Variants in ENPEP observed in about 807,000 individuals in gnomAD.
The protein encoded by ENPEP is glutamyl aminopeptidase, also known as AP-A.
A neutral mutation model predicts 114.5 loss-of-function variants in ENPEP; 103 were observed. That is an observed-to-expected ratio of 0.90 (90% CI 0.77 to 1.06). The LOEUF is 1.06. ENPEP is among the 50% of genes least tolerant of loss of function. The pLI, the probability that ENPEP is intolerant of heterozygous loss-of-function variation, is 0.00. For missense variants in ENPEP, 1,196 were observed against 1,161.3 expected (o/e 1.03, Z -0.43); for synonymous variants, 420 against 422.0 (o/e 1.00, Z 0.06).
intron 11 of ENPEP, among the ~76,000 whole-genome samples, chr4:110,532,487 T>G (rs1439338754): frequency 2.0e-5 from 3 of 152,242 alleles, no homozygotes; most frequent in Non-Finnish European, 4.4e-5. Flanking sequence ...TACCACCATT[T>G]GTTTATCCAT....
At chr4:110,554,878 ATTAAC>A (rs1322544372) in intron 18 of ENPEP, among the ~76,000 whole-genome samples, 1 of 152,058 alleles carries the variant, frequency 6.6e-6, no homozygotes, top group Non-Finnish European at 1.5e-5. Context: ...TAAAATGGCC[ATTAAC>A]TTATTGTTTA....
intron 15 of ENPEP, 54 bp from the exon 16 acceptor site, chr4:110,549,474 A>G: frequency 6.2e-7 from 1 of 1,612,592 alleles, no homozygotes; most frequent in Non-Finnish European, 8.5e-7. Flanking sequence ...TTTTGTTTTA[A>G]GACTTGTTGA....
chr4:110,491,173 CATT>C lies in ENPEP; in HGVS notation c.918+12_918+14del, dbSNP rs770283275. On this transcript the variant is annotated intron_variant, in intron 3 of 19. Coordinates refer to ENST00000265162, the MANE Select transcript of ENPEP (RefSeq NM_001977.4). Reference sequence around the variant, plus strand: ...CAAATAGTGGAAAACCTGTGAGTCTCATTATATTTTAAAAATTTACCACCTATG... The same window carrying C: ...CAAATAGTGGAAAACCTGTGAGTCTCATATTTTAAAAATTTACCACCTATG... 5.2e-6 allele frequency: 8 copies of C among 1,549,912 alleles called. No individual in the cohort carries two copies. The East Asian group carries it at 1.7e-4, about 32-fold the overall frequency.
intron 3 of ENPEP, among the ~76,000 whole-genome samples, chr4:110,492,014 C>T (rs1159478204): frequency 6.6e-6 from 1 of 152,130 alleles, no homozygotes; most frequent in East Asian, 1.9e-4. Flanking sequence ...AGCCACCGAG[C>T]CTGGCCCAAT....
chr4:110,492,322 G>C (rs1171418953), intron 3 of ENPEP, among the ~76,000 whole-genome samples: 2 of 152,206 alleles, frequency 1.3e-5, no homozygotes, highest in African/African-American at 2.4e-5. Context: ...ACTCCTTCCA[G>C]ATACTGTATC....
At chr4:110,550,308 A>G (rs1727239868) in intron 17 of ENPEP, among the ~76,000 whole-genome samples, 1 of 152,072 alleles carries the variant, frequency 6.6e-6, no homozygotes, top group East Asian at 1.9e-4. Flanking sequence ...ATTGTCTCCA[A>G]TTCTCCTCAT....
In ENPEP at chr4:110,549,885, A is replaced by G. The variant is rs766764576; in HGVS notation, c.2500A>G (p.Arg834Gly). ...AGTGAAGAACGTTACTCTTTTGTCA[A>G]GGTAAGTTGGGCTTTTATTTCACAT... ...ASVKNVTLLS[R>G]YLDLLKDTNL... Residue 834 changes from arginine (R) to glycine (G), a missense_variant and splice_region_variant, in exon 17 of 20, where the codon AGG becomes GGG. Physicochemically the swap from Arg to Gly is moderately radical, Grantham distance 125 (BLOSUM62 -2). Transcript: ENST00000265162. 3 of 1,605,472 alleles carry G rather than the reference A, an allele frequency of 1.9e-6. No individual in the cohort carries two copies. Among genetic ancestry groups the G allele is most frequent in the South Asian group, 2.2e-5 (2 of 89,954 alleles).
chr4:110,477,617 A>T (rs929409274), intron 1 of ENPEP, among the ~76,000 whole-genome samples: 25 of 152,154 alleles, frequency 1.6e-4, no homozygotes, highest in Admixed American at 4.6e-4. Context: ...GGAAGACAGG[A>T]CTGTGTTTTT....
intron 10 of ENPEP, among the ~76,000 whole-genome samples, chr4:110,529,272 GC>G (rs1726313013): frequency 6.6e-6 from 1 of 152,204 alleles, no homozygotes; most frequent in Non-Finnish European, 1.5e-5. Context: ...TTACATGGCA[GC>G]ACCAATTCAG....
At chr4:110,503,897 A>G (rs997214846) in intron 3 of ENPEP, among the ~76,000 whole-genome samples, 5 of 152,152 alleles carry the variant, frequency 3.3e-5, no homozygotes, top group African/African-American at 4.8e-5. Flanking sequence ...GCTTAAGCAT[A>G]ATGGCCAGTA....
At chr4:110,535,247 G>T (rs770220806) in intron 11 of ENPEP, among the ~76,000 whole-genome samples, 1 of 152,156 alleles carries the variant, frequency 6.6e-6, no homozygotes, top group Non-Finnish European at 1.5e-5. Context: ...AGCTGTTTTT[G>T]CAACTCTTAC....
chr4:110,476,499 G>A lies in ENPEP; in HGVS notation c.85G>A (p.Val29Ile). The part of the protein sequence containing the change: ...VAILCAVVVG[V>I]GLIVGLAVGL... ...CATTCTCTGTGCGGTGGTGGTGGGT[G>A]TAGGATTAATAGTGGGACTTGCCGT... Residue 29 changes from valine to isoleucine, a missense_variant, in exon 1 of 20, where the codon GTA becomes ATA. Transcript: ENST00000265162. 6.3e-7 allele frequency: 1 copy of A among 1,591,854 alleles called. No homozygotes were observed. The highest frequency in any genetic ancestry group is 8.6e-7 in the Non-Finnish European group (1 of 1,166,610).
intron 3 of ENPEP, among the ~76,000 whole-genome samples, chr4:110,504,227 T>C (rs751356203): frequency 1.3e-5 from 2 of 152,020 alleles, no homozygotes. Context: ...CAGGTGGTTG[T>C]ATTGTGGGCC....
chr4:110,489,713 T>C (rs1170641014), intron 2 of ENPEP, among the ~76,000 whole-genome samples: 1 of 152,148 alleles, frequency 6.6e-6, no homozygotes, highest in African/African-American at 2.4e-5. Flanking sequence ...TTACCTAGAG[T>C]TTCATTGCCT....
intron 18 of ENPEP, among the ~76,000 whole-genome samples, chr4:110,555,890 T>A (rs1234365957): frequency 6.6e-6 from 1 of 151,964 alleles, no homozygotes; most frequent in Non-Finnish European, 1.5e-5. Context: ...ATAACCAATA[T>A]GATAAGCATG....
intron 1 of ENPEP, among the ~76,000 whole-genome samples, chr4:110,485,461 T>C (rs1381112618): frequency 1.3e-5 from 2 of 152,092 alleles, no homozygotes; most frequent in African/African-American, 4.8e-5. Context: ...CCCCTTAACA[T>C]CAGAGCATAT....
At position 110,507,523 on chromosome 4, in the gene ENPEP, T is replaced by G. The variant is rs112475250; in HGVS notation, c.1039+766T>G. Among the ~76,000 whole-genome samples the G allele has an allele frequency of 1.2e-4, 19 of 152,332 alleles. 2 individuals carry two copies. The South Asian group carries it at 3.9e-3, about 32-fold the overall frequency. On this transcript the variant is annotated intron_variant, in intron 4 of 19. Transcript: ENST00000265162. ...TGCCTTTACTTTAATAACTTATCAA[T>G]GCACACAAGGGGAATGCAAAATTCT...
intron 6 of ENPEP, 111 bp downstream of exon 6, chr4:110,510,469 C>A (rs978700766): frequency 1.1e-6 from 1 of 882,758 alleles, no homozygotes; most frequent in Non-Finnish European, 1.8e-6. Context: ...CAGTGGTGAG[C>A]GGGGAATTCC....
At chr4:110,500,813 A>T (rs1725126682) in intron 3 of ENPEP, among the ~76,000 whole-genome samples, 1 of 152,164 alleles carries the variant, frequency 6.6e-6, no homozygotes. Flanking sequence ...AATTGCCTGA[A>T]CTTTATCATG....
Sources: allele counts gnomAD v4.1 joint callset (sites outside exome capture counted in the v4.1 genomes callset), GRCh38; gene constraint gnomAD v4.1.1; transcripts MANE v1.5; gene names NCBI Gene and HGNC (gene_info 2026-07-23, HGNC 2026-07-21).